Variants in PHACTR1 observed in about 807,000 individuals in gnomAD.
PHACTR1 encodes the protein phosphatase and actin regulator 1.
Under a neutral mutation model 69.2 loss-of-function variants are expected in PHACTR1, and 16 were observed. That is an observed-to-expected ratio of 0.23 (90% CI 0.16 to 0.35). The LOEUF (loss-of-function observed/expected upper bound fraction) is 0.35. PHACTR1 is among the 10% of genes least tolerant of loss of function. PHACTR1 has a pLI of 1.00. For synonymous variants in PHACTR1, 312 were observed against 284.5 expected, an observed-to-expected ratio of 1.10 and a Z score of -0.97; for missense variants, 510 against 734.7, an observed-to-expected ratio of 0.69 and a Z score of 3.54.
chr6:13,116,698 A>G (rs888434286), intron 5 of PHACTR1, among the ~76,000 whole-genome samples: 2 of 152,340 alleles, frequency 1.3e-5, no homozygotes, highest in South Asian at 2.1e-4. Context: ...ATATTTTGCA[A>G]TTTAAAGAAG....
intron 4 of PHACTR1, among the ~76,000 whole-genome samples, chr6:12,753,226 C>A (rs1431706424): frequency 6.6e-6 from 1 of 152,184 alleles, no homozygotes; most frequent in Non-Finnish European, 1.5e-5. Context: ...AAGAGTGCAG[C>A]CTGCCTTATG....
At chr6:12,951,360 A>G (rs1791271976) in intron 4 of PHACTR1, among the ~76,000 whole-genome samples, 1 of 152,244 alleles carries the variant, frequency 6.6e-6, no homozygotes, top group Non-Finnish European at 1.5e-5. Flanking sequence ...TGAGCTTAAT[A>G]TGGCCTTGGC....
chr6:12,910,774 A>G (rs1786293998), intron 4 of PHACTR1, among the ~76,000 whole-genome samples: 1 of 152,216 alleles, frequency 6.6e-6, no homozygotes, highest in Admixed American at 6.5e-5. Flanking sequence ...TGAGAAAACT[A>G]AGGTGCAAAG....
At chr6:13,016,787 T>A (rs916136499) in intron 4 of PHACTR1, among the ~76,000 whole-genome samples, 2 of 152,204 alleles carry the variant, frequency 1.3e-5, no homozygotes, top group African/African-American at 4.8e-5. Flanking sequence ...GCTGTTTTGG[T>A]TCAATACTAA....
chr6:12,851,637 G>C (rs1779837683), intron 4 of PHACTR1, among the ~76,000 whole-genome samples: 1 of 152,090 alleles, frequency 6.6e-6, no homozygotes, highest in South Asian at 2.1e-4. Context: ...CTTCTACTTT[G>C]ATTTCCCAAA....
chr6:12,971,472 A>G (rs571908101), intron 4 of PHACTR1, among the ~76,000 whole-genome samples: 1 of 152,358 alleles, frequency 6.6e-6, no homozygotes, highest in South Asian at 2.1e-4. Flanking sequence ...GGGATGGGAA[A>G]TTGGTAAGGT....
rs1562120112 is a variant in PHACTR1, at chr6:13,003,974, TATATAC to T, written c.251-49389_251-49384del. On this transcript the variant is annotated intron_variant, in intron 4 of 14. Coordinates refer to ENST00000332995, the MANE Select transcript of PHACTR1 (RefSeq NM_030948.6). ...TCCTATATATATATATGTATATATA[TATATAC>T]ACATATATATATATCACATTTTCTT... is the stretch of plus-strand genomic sequence containing the variant. Among the ~76,000 whole-genome samples, 105 of 130,858 alleles carry T rather than the reference TATATAC, an allele frequency of 8.0e-4. 10 individuals carry two copies. Among genetic ancestry groups the T allele is most frequent in the South Asian group, 4.2e-3 (18 of 4,272 alleles). 85.8% of individuals were successfully genotyped at this position (130,858 alleles called of 152,430 possible). A position where few individuals can be genotyped will look rare whatever the true frequency, so the allele number is the denominator to read the frequency against.
At chr6:13,026,675 G>A (rs888981878) in intron 4 of PHACTR1, among the ~76,000 whole-genome samples, 1 of 152,114 alleles carries the variant, frequency 6.6e-6, no homozygotes, top group African/African-American at 2.4e-5. Flanking sequence ...CAGGGTGGGA[G>A]GATGATAGCC....
chr6:12,794,498 A>T (rs1398415730), intron 4 of PHACTR1, among the ~76,000 whole-genome samples: 2 of 152,246 alleles, frequency 1.3e-5, no homozygotes, highest in African/African-American at 4.8e-5. Context: ...AAATTCATGA[A>T]ACTTTACCTT....
At chr6:12,745,523 C>T (rs1765668802) in intron 3 of PHACTR1, among the ~76,000 whole-genome samples, 2 of 152,070 alleles carry the variant, frequency 1.3e-5, no homozygotes, top group African/African-American at 4.8e-5. Context: ...CACATATAAA[C>T]AATCATGTGG....
intron 7 of PHACTR1, among the ~76,000 whole-genome samples, chr6:13,193,685 G>A (rs562271024): frequency 1.1e-4 from 17 of 152,112 alleles, no homozygotes; most frequent in African/African-American, 4.1e-4. Context: ...GCCACATCCA[G>A]CTCAGTATTT....
intron 4 of PHACTR1, among the ~76,000 whole-genome samples, chr6:12,892,279 G>A (rs1784233044): frequency 6.6e-6 from 1 of 152,220 alleles, no homozygotes; most frequent in African/African-American, 2.4e-5. Flanking sequence ...AAAACTGAAA[G>A]GCCTGGGACA....
chr6:12,789,998 G>C (rs1327413300), intron 4 of PHACTR1, among the ~76,000 whole-genome samples: 3 of 139,988 alleles, frequency 2.1e-5, no homozygotes, highest in East Asian at 2.1e-4. Flanking sequence ...TCCAGTTTCT[G>C]ACCACATCTT....
At chr6:12,770,315 G>A (rs1309394459) in intron 4 of PHACTR1, among the ~76,000 whole-genome samples, 1 of 152,166 alleles carries the variant, frequency 6.6e-6, no homozygotes, top group Non-Finnish European at 1.5e-5. Flanking sequence ...CATGCCCCTC[G>A]TTTTTGGGAA....
chr6:13,227,109 T>C (rs948575772), intron 8 of PHACTR1, among the ~76,000 whole-genome samples: 4 of 152,206 alleles, frequency 2.6e-5, no homozygotes, highest in African/African-American at 4.8e-5. Context: ...AAAAACATCA[T>C]CCTCGATGCC....
At chr6:12,932,830 G>C (rs9381513) in intron 4 of PHACTR1, among the ~76,000 whole-genome samples, 16,915 of 151,982 alleles carry the variant, frequency 0.11, 1,773 homozygotes, top group African/African-American at 0.27. Context: ...ACTGACCTTG[G>C]TTATGGAGCT....
At chr6:13,219,336 C>T (rs371686039) in intron 8 of PHACTR1, among the ~76,000 whole-genome samples, 1 of 152,112 alleles carries the variant, frequency 6.6e-6, no homozygotes, top group Non-Finnish European at 1.5e-5. Context: ...TGAGCTTACT[C>T]GTTAGTGGGA....
At chr6:13,221,002 TG>T (rs1768523968) in intron 8 of PHACTR1, among the ~76,000 whole-genome samples, 1 of 152,142 alleles carries the variant, frequency 6.6e-6, no homozygotes, top group South Asian at 2.1e-4. Flanking sequence ...ATAACAAAGC[TG>T]GGAACAGAGG....
At chr6:13,119,489 G>T (rs1818367379) in intron 5 of PHACTR1, among the ~76,000 whole-genome samples, 1 of 152,200 alleles carries the variant, frequency 6.6e-6, no homozygotes, top group Admixed American at 6.5e-5. Flanking sequence ...GATGTATGGG[G>T]AGTGCTGAGG....
Sources: allele counts gnomAD v4.1 joint callset (sites outside exome capture counted in the v4.1 genomes callset), GRCh38; gene constraint gnomAD v4.1.1; transcripts MANE v1.5; gene names NCBI Gene and HGNC (gene_info 2026-07-23, HGNC 2026-07-21).